PPP6R1: variants seen among roughly 807,000 people sequenced by gnomAD.
The protein encoded by PPP6R1 is protein phosphatase 6 regulatory subunit 1.
In PPP6R1, 39 loss-of-function variants were observed where a neutral mutation model predicts 104.6. That is an observed-to-expected ratio of 0.37 (90% confidence interval 0.29 to 0.49). PPP6R1 has a LOEUF of 0.49. PPP6R1 is among the 20% of genes least tolerant of loss of function. PPP6R1 has a pLI of 0.98. For synonymous variants in PPP6R1, 549 were observed against 479.0 expected, an observed-to-expected ratio of 1.15 and a Z score of -1.91; for missense variants, 1,181 against 1,155.8, an observed-to-expected ratio of 1.02 and a Z score of -0.32.
At chr19:55,255,944 C>G (rs1008545274) in intron 1 of PPP6R1, among the ~76,000 whole-genome samples, 1 of 152,230 alleles carries the variant, frequency 6.6e-6, no homozygotes, top group Non-Finnish European at 1.5e-5. Flanking sequence ...GTTCAGTCAT[C>G]TGCCTCCCCC....
chr19:55,248,145 C>T (rs2054754939), intron 1 of PPP6R1, among the ~76,000 whole-genome samples: 1 of 152,256 alleles, frequency 6.6e-6, no homozygotes, highest in Admixed American at 6.5e-5. Flanking sequence ...AAAGCCTCCA[C>T]ACAGACCTTC....
intron 11 of PPP6R1, 34 bp downstream of exon 11, chr19:55,240,202 G>A (rs1217156963): frequency 5.1e-6 from 8 of 1,572,108 alleles, no homozygotes; most frequent in Non-Finnish European, 6.9e-6. Context: ...GGCAGCCCCA[G>A]CCCCTGGAGA....
In PPP6R1 at chr19:55,231,436, G is replaced by C. The variant is rs1338788509; in HGVS notation, c.2433C>G (p.Ile811Met). ...IGDLQATFHG[I>M]RSAPSSSDSA... Reference sequence around the variant, plus strand: ...TGTCCGAGGAGCTGGGGGCAGAACGGATCCCGTGGAAGGTGGCCTGAAGGT... The same window carrying C: ...TGTCCGAGGAGCTGGGGGCAGAACGCATCCCGTGGAAGGTGGCCTGAAGGT... Residue 811 changes from isoleucine (I) to methionine (M), a missense_variant, in exon 21 of 24, where the codon ATC becomes ATG. Physicochemically the swap from Ile to Met is conservative, Grantham distance 10. Coordinates refer to ENST00000412770, the MANE Select transcript of PPP6R1 (RefSeq NM_014931.4). The C allele has an allele frequency of 6.2e-7, 1 of 1,605,912 alleles. No individual in the cohort carries two copies. The highest frequency in any genetic ancestry group is 2.2e-5 in the East Asian group (1 of 44,622).
Position 55,239,678 on chromosome 19 carries a change from G to A in PPP6R1, c.1569C>T (p.Asn523=). Residue 523 remains asparagine, a synonymous_variant, in exon 14 of 24, where the codon AAC becomes AAT. Coordinates refer to ENST00000412770, the MANE Select transcript of PPP6R1 (RefSeq NM_014931.4). ...TNKKNMVDLV[N]THHLHSSSDD... ...CACTGGAGGAGTGTAGGTGGTGGGT[G>A]TTCACCTGGGGAGAGGAGGGGGCGT... 6.2e-7 allele frequency: 1 copy of A among 1,610,544 alleles called. No individual in the cohort carries two copies. Among genetic ancestry groups the A allele is most frequent in the Non-Finnish European group, 8.5e-7 (1 of 1,178,172 alleles).
intron 17 of PPP6R1, among the ~76,000 whole-genome samples, chr19:55,235,241 A>G (rs1039288522): frequency 3.9e-5 from 6 of 152,042 alleles, no homozygotes; most frequent in African/African-American, 1.2e-4. Flanking sequence ...CATTTGCACT[A>G]AAATGTCATC....
chr19:55,254,804 A>G (rs2087580151), intron 1 of PPP6R1, among the ~76,000 whole-genome samples: 1 of 152,168 alleles, frequency 6.6e-6, no homozygotes, highest in Admixed American at 6.5e-5. Flanking sequence ...CAGCAAGACC[A>G]TCTCCCTCTA....
downstream of PPP6R1, chr19:55,228,268 G>A: frequency 6.2e-7 from 1 of 1,613,006 alleles, no homozygotes; most frequent in Non-Finnish European, 8.5e-7. Context: ...GAGGAGCTGG[G>A]TGTAGCCCCC....
Position 55,231,878 on chromosome 19 carries a change from CCT to C in PPP6R1, c.2228_2229del (p.Gln743ArgfsTer21). 1.3e-6 allele frequency: 2 copies of C among 1,505,784 alleles called. No individual in the cohort carries two copies. Among genetic ancestry groups the C allele is most frequent in the Non-Finnish European group, 8.9e-7 (1 of 1,127,196 alleles). 93.3% of individuals were successfully genotyped at this position (1,505,784 alleles called of 1,614,324 possible). A position where few individuals can be genotyped will look rare whatever the true frequency, so the allele number is the denominator to read the frequency against. ...AGGCCCTGGGGCACACTGAGGGGCC[CCT>C]GTGGGGCTGGAGGCCCAGTGTGCAG... The part of the protein sequence containing the change: ...EELHTGPPAP[Q>X]GPLSVPQGLP... On this transcript the variant is annotated frameshift_variant, in exon 19 of 24. Coordinates refer to ENST00000412770, the MANE Select transcript of PPP6R1 (RefSeq NM_014931.4). LOFTEE classifies it high-confidence loss of function.
chr19:55,230,735 C>CCCCCCCG, intron 22 of PPP6R1, 39 bp downstream of exon 22: 2 of 1,470,888 alleles, frequency 1.4e-6, no homozygotes, highest in Non-Finnish European at 1.8e-6. Flanking sequence ...CCCCACCAGC[C>CCCCCCCG]CCACCCCCAC....
chr19:55,245,699 G>T lies in PPP6R1; in HGVS notation c.228-21C>A. 6.3e-7 allele frequency: 1 copy of T among 1,596,348 alleles called. No individual in the cohort carries two copies. The highest frequency in any genetic ancestry group is 1.1e-5 in the South Asian group (1 of 90,610). ...GGTACCTGGGAGGCAAGCACAGGCG[G>T]GTGGGGGCTCGGGTCGGAGGCCGGG... On this transcript the variant is annotated intron_variant, in intron 2 of 23. Coordinates refer to ENST00000412770, the MANE Select transcript of PPP6R1 (RefSeq NM_014931.4). The surrounding 1 kb of genome is among the most constrained non-coding windows in gnomAD (Gnocchi z 6.4).
chr19:55,234,907 G>A lies in PPP6R1; in HGVS notation c.1988+1736C>T, dbSNP rs553432217. On this transcript the variant is annotated intron_variant, in intron 17 of 23. Coordinates refer to ENST00000412770, the MANE Select transcript of PPP6R1 (RefSeq NM_014931.4). ...ACTCATCTACAGGGTTAGAAGCCAGGACAACTTTACCCTCAGAAGGGAGGA... is the reference window on the plus strand; with the variant it reads ...ACTCATCTACAGGGTTAGAAGCCAGAACAACTTTACCCTCAGAAGGGAGGA... Among the ~76,000 whole-genome samples, 5 of 152,294 alleles carry A rather than the reference G, an allele frequency of 3.3e-5. No homozygotes were observed. The South Asian group carries it at 1.0e-3, about 32-fold the overall frequency.
intron 13 of PPP6R1, 52 bp from the exon 14 acceptor site, chr19:55,239,735 G>A: frequency 6.3e-7 from 1 of 1,587,848 alleles, no homozygotes; most frequent in Non-Finnish European, 8.6e-7. Flanking sequence ...GACCAGGGTG[G>A]GCAGGCAGCT....
chr19:55,240,642 C>CAT (rs374082176), intron 10 of PPP6R1, among the ~76,000 whole-genome samples: 4,782 of 151,836 alleles, frequency 0.031, 203 homozygotes, highest in African/African-American at 0.095. Context: ...CTCTCACACA[C>CAT]GCTTGCACTG....
At chr19:55,242,512 G>A in intron 5 of PPP6R1, 24 bp from the exon 6 acceptor site, 1 of 1,599,984 alleles carries the variant, frequency 6.3e-7, no homozygotes, top group Non-Finnish European at 8.6e-7. Flanking sequence ...AGACAGGTGA[G>A]GATCCTGGTC....
chr19:55,242,349 C>G (rs779983869), intron 6 of PPP6R1, 27 bp downstream of exon 6: 20 of 1,612,058 alleles, frequency 1.2e-5, no homozygotes, highest in Non-Finnish European at 1.6e-5. Context: ...CAGCTCCCCC[C>G]AGCCTTAGCC....
intron 5 of PPP6R1, among the ~76,000 whole-genome samples, chr19:55,243,473 C>G (rs979642610): frequency 2.0e-5 from 3 of 151,212 alleles, no homozygotes; most frequent in African/African-American, 4.9e-5. Context: ...TGAGACCAGT[C>G]GGGGCAACAT....
chr19:55,237,242 G>A (rs1021397558), intron 15 of PPP6R1, among the ~76,000 whole-genome samples: 3 of 152,086 alleles, frequency 2.0e-5, no homozygotes, highest in African/African-American at 2.4e-5. Flanking sequence ...AATGGGGCTC[G>A]GAAATGTTAA....
At chr19:55,238,113 C>G (rs1171175523) in intron 15 of PPP6R1, among the ~76,000 whole-genome samples, 1 of 152,008 alleles carries the variant, frequency 6.6e-6, no homozygotes, top group Non-Finnish European at 1.5e-5. Context: ...GTTGCCCAGG[C>G]TGGGCTGAAA....
In PPP6R1 at chr19:55,230,640, G is replaced by C; in HGVS notation, c.2615C>G (p.Pro872Arg). The change falls in exon 23 of 24, where the codon CCG (proline) becomes CGG (arginine). Residue 872 changes from proline to arginine, a missense_variant. Coordinates refer to ENST00000412770, the MANE Select transcript of PPP6R1 (RefSeq NM_014931.4). ...GGAGCCTGGGGATGCAGGCCCTTCC[G>C]GGGCAGAGCCATTGGGTATCGGAGG... The part of the protein sequence containing the change: ...TPPPIPNGSA[P>R]EGPASPGSQ 1 of 1,610,416 alleles carries C rather than the reference G, an allele frequency of 6.2e-7. No individual in the cohort carries two copies. Among genetic ancestry groups the C allele is most frequent in the South Asian group, 1.1e-5 (1 of 90,622 alleles).
Sources: gnomAD v4.1 joint callset for allele counts (sites outside exome capture counted in the v4.1 genomes callset) on GRCh38, gnomAD v4.1.1 for gene constraint, Gnocchi (gnomAD v3.1) non-coding constraint, MANE v1.5 for transcripts, NCBI Gene and HGNC (gene_info 2026-07-23, HGNC 2026-07-21) for gene names.